The following COL24A1 variants were observed in gnomAD, a reference collection of about 807,000 sequenced individuals.
COL24A1 encodes collagen type XXIV alpha 1 chain, also known as collagen alpha-1(XXIV) chain.
A neutral mutation model predicts 253.9 loss-of-function variants in COL24A1; 224 were observed. The observed-to-expected ratio is 0.88, with a 90% CI of 0.79 to 0.99. The LOEUF is 0.99. Among genes scored for constraint, COL24A1 ranks in the 50% least tolerant of loss-of-function variants. The pLI is 0.00. For synonymous variants in COL24A1, 685 were observed against 673.7 expected, an observed-to-expected ratio of 1.02 and a Z score of -0.26; for missense variants, 2,131 against 2,068.5, an observed-to-expected ratio of 1.03 and a Z score of -0.59.
Position 85,757,357 on chromosome 1 carries a change from TA to T in COL24A1, c.4437+4038del, listed in dbSNP as rs545103389. Among the ~76,000 whole-genome samples, 601 of 152,138 alleles carry T rather than the reference TA, an allele frequency of 4.0e-3. 1 individual carries two copies. Among genetic ancestry groups the T allele is most frequent in the Non-Finnish European group, 6.3e-3 (425 of 67,978 alleles). On this transcript the variant is annotated intron_variant, in intron 55 of 59. Coordinates refer to ENST00000370571, the MANE Select transcript of COL24A1 (RefSeq NM_152890.7). ...ACAGGACATTTGTACTATGTGTAAT[TA>T]AAAAAACTGAAAAAAAGATGCTCAC...
At chr1:85,761,637 T>C in intron 53 of COL24A1, 71 bp from the exon 54 acceptor site, 3 of 1,475,690 alleles carry the variant, frequency 2.0e-6, no homozygotes, top group Non-Finnish European at 2.8e-6. Context: ...AGATAACTAA[T>C]ATTCAACCTC....
chr1:86,100,597 A>G (rs984351800), intron 5 of COL24A1, among the ~76,000 whole-genome samples: 1 of 152,142 alleles, frequency 6.6e-6, no homozygotes, highest in South Asian at 2.1e-4. Flanking sequence ...ACCAGAGTTT[A>G]TGCTAATAAG....
intron 13 of COL24A1, among the ~76,000 whole-genome samples, chr1:86,033,414 T>C (rs1400671199): frequency 6.6e-6 from 1 of 152,106 alleles, no homozygotes; most frequent in Non-Finnish European, 1.5e-5. Flanking sequence ...ATTAAACTAA[T>C]TTTAGAATAG....
chr1:85,987,649 A>G lies in COL24A1; in HGVS notation c.2316T>C (p.Phe772=). The change falls in exon 20 of 60, where the codon TTT becomes TTC. Residue 772 remains phenylalanine (F), a synonymous_variant. Coordinates refer to ENST00000370571, the MANE Select transcript of COL24A1 (RefSeq NM_152890.7). ...GTCCAGGAATCCCAATATCTCCTGG[A>G]AAACCCTAGGGAATATAAAAATGTA... is the stretch of plus-strand genomic sequence containing the variant. ...GPSGPPGPEG[F]PGDIGIPGQN... 6.2e-7 allele frequency: 1 copy of G among 1,609,844 alleles called. No individual in the cohort carries two copies. Among genetic ancestry groups the G allele is most frequent in the Non-Finnish European group, 8.5e-7 (1 of 1,177,508 alleles).
At chr1:85,829,986 G>T (rs972217250) in intron 43 of COL24A1, among the ~76,000 whole-genome samples, 1 of 152,122 alleles carries the variant, frequency 6.6e-6, no homozygotes, top group Non-Finnish European at 1.5e-5. Context: ...TCCTTTGGAG[G>T]AGGAGAGGCG....
intron 58 of COL24A1, 116 bp from the exon 59 acceptor site, chr1:85,735,080 G>T: frequency 4.7e-6 from 4 of 848,660 alleles, no homozygotes; most frequent in Non-Finnish European, 5.6e-6. Flanking sequence ...CCTTTCCTTG[G>T]AACTGAAGTG....
At chr1:85,768,586 G>GGGA (rs1558048334) in intron 53 of COL24A1, among the ~76,000 whole-genome samples, 6 of 18,726 alleles carry the variant, frequency 3.2e-4, no homozygotes, top group African/African-American at 5.8e-4. Flanking sequence ...GTTCTTTTGT[G>GGGA]CGGGGGGAGG....
intron 2 of COL24A1, among the ~76,000 whole-genome samples, chr1:86,136,985 C>G (rs1650353921): frequency 1.6e-5 from 1 of 60,914 alleles, no homozygotes; most frequent in African/African-American, 6.5e-5. Flanking sequence ...CTGAGGAGAA[C>G]TGCAGACAAA....
intron 24 of COL24A1, among the ~76,000 whole-genome samples, chr1:85,918,617 C>T (rs1686145988): frequency 6.6e-6 from 1 of 152,114 alleles, no homozygotes; most frequent in South Asian, 2.1e-4. Flanking sequence ...CTATATTACT[C>T]TTTGAAACTG....
chr1:86,017,297 G>T (rs1697088125), intron 18 of COL24A1, 93 bp from the exon 19 acceptor site: 2 of 1,067,518 alleles, frequency 1.9e-6, no homozygotes, highest in East Asian at 3.0e-5. Context: ...ATAGCAGTCA[G>T]TCATTATATT....
rs552013897 is a variant in COL24A1 at position 85,754,804 on chromosome 1, A to C, written c.4437+6592T>G. 9.2e-5 allele frequency among the ~76,000 whole-genome samples: 14 copies of C among 152,216 alleles called. No homozygotes were observed. In the South Asian group the frequency reaches 2.9e-3, roughly 32 times the overall value. ...GAGGAGTGGAAAAAAAAATGAAGAA[A>C]AGTGAACAGAGACTTAAGAGATCTG... On this transcript the variant is annotated intron_variant, in intron 55 of 59. Coordinates refer to ENST00000370571, the MANE Select transcript of COL24A1 (RefSeq NM_152890.7).
intron 3 of COL24A1, among the ~76,000 whole-genome samples, chr1:86,121,388 T>A (rs1258247666): frequency 6.6e-6 from 1 of 152,080 alleles, no homozygotes; most frequent in Non-Finnish European, 1.5e-5. Flanking sequence ...ATAAAGAGAA[T>A]AATCGTTAAT....
intron 3 of COL24A1, among the ~76,000 whole-genome samples, chr1:86,124,480 C>T (rs1197895088): frequency 2.6e-5 from 4 of 151,920 alleles, no homozygotes; most frequent in African/African-American, 4.8e-5. Context: ...CTTCTCTTAA[C>T]ATGACTATGC....
intron 24 of COL24A1, among the ~76,000 whole-genome samples, chr1:85,936,928 G>C (rs1688294501): frequency 6.8e-6 from 1 of 147,150 alleles, no homozygotes. Context: ...CTACACATCT[G>C]AATCTCCTAT....
At chr1:85,825,534 C>A (rs2102014437) in intron 43 of COL24A1, among the ~76,000 whole-genome samples, 1 of 152,038 alleles carries the variant, frequency 6.6e-6, no homozygotes, top group South Asian at 2.1e-4. Context: ...GTTTACAGTC[C>A]CACCAACAGT....
chr1:85,994,698 A>T (rs1694610979), intron 19 of COL24A1, among the ~76,000 whole-genome samples: 1 of 152,208 alleles, frequency 6.6e-6, no homozygotes, highest in Non-Finnish European at 1.5e-5. Flanking sequence ...TGCCAAAAAA[A>T]TTTCAAAAGG....
At chr1:85,987,676 C>T (rs147055027) in intron 19 of COL24A1, 22 bp from the exon 20 acceptor site, 701 of 1,588,532 alleles carry the variant, frequency 4.4e-4, no homozygotes, top group Admixed American at 9.2e-4. Flanking sequence ...AAAAATGTAG[C>T]GTTTATTCCA....
At chr1:86,060,195 T>A (rs538850616) in intron 8 of COL24A1, among the ~76,000 whole-genome samples, 46 of 152,222 alleles carry the variant, frequency 3.0e-4, no homozygotes, top group Middle Eastern at 3.4e-3. Context: ...ACTTTTTTTT[T>A]AAAAAAGACT....
chr1:85,735,090 G>T, intron 58 of COL24A1, 126 bp from the exon 59 acceptor site: 5 of 769,658 alleles, frequency 6.5e-6, no homozygotes, highest in Non-Finnish European at 6.4e-6. Context: ...GAACTGAAGT[G>T]CCAGTCAGTG....
Sources: gnomAD v4.1 joint callset for allele counts (sites outside exome capture counted in the v4.1 genomes callset) on GRCh38, gnomAD v4.1.1 for gene constraint, MANE v1.5 for transcripts, NCBI Gene and HGNC (gene_info 2026-07-23, HGNC 2026-07-21) for gene names.